The following RBFOX1 variants were observed in gnomAD, a reference collection of about 807,000 sequenced individuals.
The protein encoded by RBFOX1 is RNA binding protein fox-1 homolog 1.
In RBFOX1, 8 loss-of-function variants were observed where a neutral mutation model predicts 57.7. The observed-to-expected ratio is 0.14, with a 90% CI of 0.08 to 0.25. The LOEUF is 0.25. Ranked by LOEUF, RBFOX1 falls within the 10% of genes least tolerant of loss-of-function variation. RBFOX1 has a pLI of 1.00. For synonymous variants in RBFOX1, 326 were observed against 222.4 expected, an observed-to-expected ratio of 1.47 and a Z score of -4.15; for missense variants, 611 against 548.5, an observed-to-expected ratio of 1.11 and a Z score of -1.14.
At chr16:6,465,016 C>G (rs778715654) in intron 2 of RBFOX1, among the ~76,000 whole-genome samples, 26 of 152,238 alleles carry the variant, frequency 1.7e-4, no homozygotes, top group Non-Finnish European at 3.5e-4. Context: ...ATAATAAACA[C>G]AGTTTCTCAT....
chr16:5,815,061 G>A (rs1460275488), intron 3 of RBFOX1, among the ~76,000 whole-genome samples: 2 of 151,040 alleles, frequency 1.3e-5, no homozygotes, highest in Non-Finnish European at 2.9e-5. Context: ...CTAGCTCACC[G>A]CAGCCCCAAC....
At chr16:7,402,180 G>A (rs531263181) in intron 4 of RBFOX1, among the ~76,000 whole-genome samples, 7 of 152,236 alleles carry the variant, frequency 4.6e-5, no homozygotes, top group Non-Finnish European at 7.4e-5. Flanking sequence ...GCTGTGATGA[G>A]CAACTCTTTG....
At chr16:7,032,578 T>C (rs1157508807) in intron 3 of RBFOX1, among the ~76,000 whole-genome samples, 2 of 92,886 alleles carry the variant, frequency 2.2e-5, no homozygotes, top group African/African-American at 6.5e-5. Context: ...TCTACAGCTA[T>C]TTCTGTTTGT....
intron 4 of RBFOX1, among the ~76,000 whole-genome samples, chr16:7,154,899 C>T (rs371923426): frequency 6.6e-6 from 1 of 152,108 alleles, no homozygotes; most frequent in Non-Finnish European, 1.5e-5. Context: ...ACTAGGATTA[C>T]AGAGTTTTAT....
At chr16:7,060,563 A>G (rs977398078) in intron 4 of RBFOX1, among the ~76,000 whole-genome samples, 1 of 152,226 alleles carries the variant, frequency 6.6e-6, no homozygotes, top group African/African-American at 2.4e-5. Context: ...CAGAATAGCT[A>G]CAATTAGGGC....
chr16:7,566,832 G>A (rs2091798066), intron 5 of RBFOX1, among the ~76,000 whole-genome samples: 1 of 152,174 alleles, frequency 6.6e-6, no homozygotes, highest in South Asian at 2.1e-4. Flanking sequence ...GTATCCTCCA[G>A]GGAGCTTGTG....
intron 1 of RBFOX1, among the ~76,000 whole-genome samples, chr16:5,324,122 G>GC (rs2064492468): frequency 6.6e-6 from 1 of 152,200 alleles, no homozygotes; most frequent in East Asian, 1.9e-4. Flanking sequence ...GGGGGAGGGG[G>GC]TGGGGGCTGG....
At chr16:7,657,673 T>C (rs1175395814) in intron 12 of RBFOX1, among the ~76,000 whole-genome samples, 4 of 152,228 alleles carry the variant, frequency 2.6e-5, no homozygotes, top group Non-Finnish European at 5.9e-5. Flanking sequence ...AGCCCTTCCA[T>C]GCAGCTGAAG....
chr16:7,527,010 C>T (rs991421720), intron 5 of RBFOX1, among the ~76,000 whole-genome samples: 2 of 152,176 alleles, frequency 1.3e-5, no homozygotes, highest in African/African-American at 4.8e-5. Context: ...CTGGGGAGGG[C>T]CCCAGCAGAC....
intron 2 of RBFOX1, 90 bp downstream of exon 2, chr16:6,317,147 G>A: frequency 7.7e-7 from 1 of 1,296,806 alleles, no homozygotes; most frequent in Non-Finnish European, 1.1e-6. Context: ...CTGCAGGTTT[G>A]AAGTTGTTAC....
intron 1 of RBFOX1, among the ~76,000 whole-genome samples, chr16:6,183,522 ATAAATG>A (rs1448293462): frequency 2.0e-5 from 3 of 151,536 alleles, no homozygotes; most frequent in African/African-American, 7.3e-5. Flanking sequence ...AAATAAATAA[ATAAATG>A]TAAGGAGAAT....
At chr16:6,677,923 G>C (rs1014873831) in intron 3 of RBFOX1, among the ~76,000 whole-genome samples, 1 of 152,116 alleles carries the variant, frequency 6.6e-6, no homozygotes, top group African/African-American at 2.4e-5. Flanking sequence ...TGATTAATCA[G>C]TAAGGAACCA....
rs557028454 is a variant in RBFOX1 at position 6,941,822 on chromosome 16, C to G, written c.-15-110235C>G. ...GGAGGACCTAACAAATAAGAATGAG[C>G]TGCTTTTTTTTCCCCCTAACTCTTT... On this transcript the variant is annotated intron_variant, in intron 3 of 15. Coordinates refer to ENST00000550418, the MANE Select transcript of RBFOX1 (RefSeq NM_018723.4). 5.3e-5 allele frequency among the ~76,000 whole-genome samples: 8 copies of G among 152,132 alleles called. No individual in the cohort carries two copies. In the East Asian group the frequency reaches 1.6e-3, roughly 30 times the overall value.
At chr16:6,860,834 G>A (rs150462343) in intron 3 of RBFOX1, among the ~76,000 whole-genome samples, 2 of 152,042 alleles carry the variant, frequency 1.3e-5, no homozygotes, top group African/African-American at 4.8e-5. Context: ...ACAGTTTTTG[G>A]ACACAGTAAA....
chr16:6,998,022 C>T (rs149615684), intron 3 of RBFOX1, among the ~76,000 whole-genome samples: 12 of 151,776 alleles, frequency 7.9e-5, no homozygotes, highest in African/African-American at 2.7e-4. Flanking sequence ...AGGTAAATGC[C>T]GTTCTTTTGT....
intron 1 of RBFOX1, among the ~76,000 whole-genome samples, chr16:6,150,882 G>T (rs577876643): frequency 6.6e-6 from 1 of 152,294 alleles, no homozygotes; most frequent in African/African-American, 2.4e-5. Context: ...TTGACGTGCA[G>T]CTGAATTATT....
intron 4 of RBFOX1, among the ~76,000 whole-genome samples, chr16:7,156,594 CAT>C (rs1374764881): frequency 2.6e-5 from 4 of 151,872 alleles, no homozygotes; most frequent in African/African-American, 9.7e-5. Context: ...TGCAGATATA[CAT>C]ATATGTGTAC....
At chr16:7,066,236 G>A (rs2055993668) in intron 4 of RBFOX1, among the ~76,000 whole-genome samples, 1 of 152,214 alleles carries the variant, frequency 6.6e-6, no homozygotes. Flanking sequence ...TTGTGGAGCT[G>A]GGAATTGAAC....
chr16:7,155,137 G>C (rs978705560), intron 4 of RBFOX1, among the ~76,000 whole-genome samples: 3 of 152,120 alleles, frequency 2.0e-5, no homozygotes, highest in Non-Finnish European at 2.9e-5. Flanking sequence ...ACTGTTATCA[G>C]CCTACAGATT....
Sources: allele counts gnomAD v4.1 joint callset (sites outside exome capture counted in the v4.1 genomes callset), GRCh38; gene constraint gnomAD v4.1.1; transcripts MANE v1.5; gene names NCBI Gene and HGNC (gene_info 2026-07-23, HGNC 2026-07-21).